SLC26A4: variants seen among roughly 807,000 people sequenced by gnomAD.
SLC26A4 encodes solute carrier family 26 member 4, also known as pendrin.
SLC26A4 carries 93 observed loss-of-function variants against 90.4 expected under a neutral mutation model. That is an observed-to-expected ratio of 1.03 (90% CI 0.87 to 1.22). The LOEUF is 1.22. Ranked by LOEUF, SLC26A4 falls within the 50% of genes most tolerant of loss-of-function variation. The pLI is 0.00. For missense variants in SLC26A4, 1,127 were observed against 946.2 expected (o/e 1.19, Z -2.51); for synonymous variants, 393 against 354.6 (o/e 1.11, Z -1.22).
At chr7:107,663,715 G>C (rs559166458) in intron 3 of SLC26A4, among the ~76,000 whole-genome samples, 1 of 152,064 alleles carries the variant, frequency 6.6e-6, no homozygotes, top group African/African-American at 2.4e-5. Flanking sequence ...ACGGGGGCTC[G>C]CTCTGTCACC....
intron 12 of SLC26A4, among the ~76,000 whole-genome samples, chr7:107,695,709 A>G (rs966342547): frequency 6.6e-6 from 1 of 152,080 alleles, no homozygotes; most frequent in African/African-American, 2.4e-5. Flanking sequence ...GCTACTTGGG[A>G]GGCTGAGGCG....
intron 18 of SLC26A4, among the ~76,000 whole-genome samples, chr7:107,706,749 A>G (rs1207993809): frequency 1.3e-5 from 2 of 151,794 alleles, no homozygotes; most frequent in East Asian, 3.8e-4. Context: ...AAAAGAACAG[A>G]TTCTATTGAA....
intron 20 of SLC26A4, among the ~76,000 whole-genome samples, chr7:107,713,340 C>T (rs972072358): frequency 1.3e-5 from 2 of 152,228 alleles, no homozygotes; most frequent in African/African-American, 4.8e-5. Flanking sequence ...AGCGGCTTCT[C>T]AAGGGAGTTT....
At chr7:107,714,306 C>A (rs540748627) in intron 20 of SLC26A4, among the ~76,000 whole-genome samples, 1 of 152,290 alleles carries the variant, frequency 6.6e-6, no homozygotes, top group East Asian at 1.9e-4. Flanking sequence ...ATCTGATAAG[C>A]CTGCCTTCTC....
chr7:107,668,035 G>A (rs1449307150), intron 3 of SLC26A4, among the ~76,000 whole-genome samples: 1 of 152,138 alleles, frequency 6.6e-6, no homozygotes, highest in African/African-American at 2.4e-5. Context: ...CTGAGGAAAT[G>A]TAACTGGGTC....
At chr7:107,714,523 TTTATGACTCTATGGA>T (rs1792287655) in intron 20 of SLC26A4, among the ~76,000 whole-genome samples, 1 of 152,170 alleles carries the variant, frequency 6.6e-6, no homozygotes, top group Non-Finnish European at 1.5e-5. Flanking sequence ...GCTCCAGTAG[TTTATGACTCTATGGA>T]TATAGGGTGC....
intron 10 of SLC26A4, chr7:107,691,907 A>G (rs2129316378): frequency 4.7e-6 from 6 of 1,282,616 alleles, no homozygotes; most frequent in Non-Finnish European, 6.1e-6. Context: ...TGCACATTTC[A>G]GGCTGCAGCT....
chr7:107,693,871 G>A (rs564525485), intron 10 of SLC26A4, among the ~76,000 whole-genome samples: 1 of 152,308 alleles, frequency 6.6e-6, no homozygotes, highest in South Asian at 2.1e-4. Context: ...ATTTGCAATA[G>A]GATGAGTAAA....
intron 10 of SLC26A4, chr7:107,691,866 G>A: frequency 1.6e-6 from 2 of 1,213,018 alleles, no homozygotes; most frequent in African/African-American, 1.6e-5. Context: ...TGTGGTCAAG[G>A]GGAAGAGGTC....
intron 8 of SLC26A4, among the ~76,000 whole-genome samples, chr7:107,684,609 C>T (rs1791345269): frequency 6.6e-6 from 1 of 152,164 alleles, no homozygotes; most frequent in African/African-American, 2.4e-5. Flanking sequence ...CAAACTTACC[C>T]TTTTGTAAGA....
At position 107,715,604 on chromosome 7, in the gene SLC26A4, C is replaced by T. The variant is rs897095795; in HGVS notation, c.*158C>T. The stretch of plus-strand genomic sequence containing the variant: ...TTCTAGGCTTTATTTATAAAATAAA[C>T]ACCTTATCCCTAACATGGGCAAAAT... On this transcript the variant is annotated 3_prime_UTR_variant, in exon 21 of 21. Transcript: ENST00000644269. The T allele has an allele frequency of 1.3e-5, 9 of 698,860 alleles. No homozygotes were observed. Among genetic ancestry groups the T allele is most frequent in the Non-Finnish European group, 2.1e-5 (8 of 383,078 alleles). The allele number at this position is 698,860 out of a possible 1,614,324, so 43.3% of individuals were successfully genotyped here. A position where few individuals can be genotyped will look rare whatever the true frequency, so the allele number is the denominator to read the frequency against.
chr7:107,676,076 G>T (rs1036598232), intron 6 of SLC26A4, among the ~76,000 whole-genome samples: 1 of 152,142 alleles, frequency 6.6e-6, no homozygotes, highest in African/African-American at 2.4e-5. Flanking sequence ...CATCATGTAG[G>T]GTGCTAATTG....
Position 107,710,037 on chromosome 7 carries a change from G to C in SLC26A4, c.2090-17G>C, listed in dbSNP as rs750173671. The C allele has an allele frequency of 6.2e-7, 1 of 1,610,568 alleles. No individual in the cohort carries two copies. The highest frequency in any genetic ancestry group is 2.2e-5 in the East Asian group (1 of 44,834). ...TTTTCCTAGGAACTAACAAAACATTGTGTCTTTCTTTTGAAGATTATGTGA... is the reference window on the plus strand; with the variant it reads ...TTTTCCTAGGAACTAACAAAACATTCTGTCTTTCTTTTGAAGATTATGTGA... On this transcript the variant is annotated splice_polypyrimidine_tract_variant and intron_variant, in intron 18 of 20. Transcript: ENST00000644269.
At chr7:107,681,779 T>C (rs115765168) in intron 6 of SLC26A4, among the ~76,000 whole-genome samples, 1,905 of 152,172 alleles carry the variant, frequency 0.013, 28 homozygotes, top group African/African-American at 0.043. Flanking sequence ...AATTGATTCA[T>C]CTGTCTACTT....
At chr7:107,686,381 CCT>C (rs1584321156) in intron 8 of SLC26A4, among the ~76,000 whole-genome samples, 4 of 136,978 alleles carry the variant, frequency 2.9e-5, no homozygotes, top group East Asian at 2.3e-4. Context: ...TCCTCCCCTT[CCT>C]TCCTTCCTTC....
chr7:107,664,649 T>G (rs1790661042), intron 3 of SLC26A4, among the ~76,000 whole-genome samples: 1 of 152,212 alleles, frequency 6.6e-6, no homozygotes, highest in Non-Finnish European at 1.5e-5. Flanking sequence ...TTTAAAAAAA[T>G]TCATCCTCTT....
At chr7:107,707,064 G>A (rs1792053878) in intron 18 of SLC26A4, among the ~76,000 whole-genome samples, 1 of 152,138 alleles carries the variant, frequency 6.6e-6, no homozygotes. Context: ...TTGAGCTGGG[G>A]AAGTGGAGGT....
intron 6 of SLC26A4, among the ~76,000 whole-genome samples, chr7:107,682,043 T>C (rs1791246131): frequency 7.1e-6 from 1 of 140,622 alleles, no homozygotes; most frequent in East Asian, 2.1e-4. Context: ...GAGGGTGATG[T>C]GGAAGGATTG....
chr7:107,703,121 T>C (rs1271592774), intron 17 of SLC26A4, among the ~76,000 whole-genome samples: 1 of 152,224 alleles, frequency 6.6e-6, no homozygotes, highest in Non-Finnish European at 1.5e-5. Flanking sequence ...TCTACCTACG[T>C]GGGACTTAGC....
Sources: gnomAD v4.1 joint callset for allele counts (sites outside exome capture counted in the v4.1 genomes callset) on GRCh38, gnomAD v4.1.1 for gene constraint, MANE v1.5 for transcripts, NCBI Gene and HGNC (gene_info 2026-07-23, HGNC 2026-07-21) for gene names.